P4HA1: variants seen among roughly 807,000 people sequenced by gnomAD.
The protein encoded by P4HA1 is prolyl 4-hydroxylase subunit alpha 1.
A neutral mutation model predicts 72.8 loss-of-function variants in P4HA1; 24 were observed. That is an observed-to-expected ratio of 0.33 (90% CI 0.24 to 0.46). P4HA1 has a LOEUF of 0.46. P4HA1 is among the 20% of genes least tolerant of loss of function. P4HA1 has a pLI of 1.00. For synonymous variants in P4HA1, 201 were observed against 218.8 expected, an observed-to-expected ratio of 0.92 and a Z score of 0.72; for missense variants, 446 against 640.6, an observed-to-expected ratio of 0.70 and a Z score of 3.28.
At chr10:73,094,871 T>A (rs1314345717) in intron 1 of P4HA1, among the ~76,000 whole-genome samples, 1 of 152,222 alleles carries the variant, frequency 6.6e-6, no homozygotes, top group Non-Finnish European at 1.5e-5. Flanking sequence ...GTACACATTT[T>A]TCAACTGTTT....
intron 10 of P4HA1, among the ~76,000 whole-genome samples, chr10:73,029,567 T>G (rs1840383768): frequency 6.6e-6 from 1 of 150,574 alleles, no homozygotes; most frequent in African/African-American, 2.4e-5. Context: ...AGGAAAAGAC[T>G]AAGGAATAGT....
At chr10:73,037,308 TAAA>T (rs202154662) in intron 9 of P4HA1, among the ~76,000 whole-genome samples, 2 of 120,112 alleles carry the variant, frequency 1.7e-5, no homozygotes, top group Non-Finnish European at 3.5e-5. Context: ...TTTCCGCTGT[TAAA>T]AAAAAAAAAA....
chr10:73,095,828 T>C (rs375824591), intron 1 of P4HA1, among the ~76,000 whole-genome samples: 13 of 152,216 alleles, frequency 8.5e-5, no homozygotes, highest in African/African-American at 2.7e-4. Context: ...TGTCTAAACA[T>C]TGAATTTGTA....
chr10:73,092,052 T>C (rs1195395804), intron 1 of P4HA1, among the ~76,000 whole-genome samples: 3 of 152,196 alleles, frequency 2.0e-5, no homozygotes, highest in Non-Finnish European at 4.4e-5. Flanking sequence ...CTTTCTAGTC[T>C]TCAATTATCT....
At chr10:73,096,503 C>T (rs1269582683) in intron 1 of P4HA1, among the ~76,000 whole-genome samples, 1 of 151,872 alleles carries the variant, frequency 6.6e-6, no homozygotes, top group Non-Finnish European at 1.5e-5. Flanking sequence ...GGGACTGAGG[C>T]TGCAGCAGCC....
At chr10:73,026,585 CA>C (rs763565374) in intron 10 of P4HA1, among the ~76,000 whole-genome samples, 18 of 152,174 alleles carry the variant, frequency 1.2e-4, no homozygotes, top group Non-Finnish European at 1.6e-4. Context: ...GCAATGGCTA[CA>C]AAAGCCAAAA....
intron 1 of P4HA1, among the ~76,000 whole-genome samples, chr10:73,093,907 T>TATATATATATATAC (rs1256283876): frequency 1.6e-4 from 9 of 55,600 alleles, no homozygotes; most frequent in African/African-American, 3.8e-4. Flanking sequence ...TATATATATA[T>TATATATATATATAC]ACACACACAC....
At chr10:73,049,337 C>G (rs987120756) in intron 7 of P4HA1, among the ~76,000 whole-genome samples, 1 of 152,166 alleles carries the variant, frequency 6.6e-6, no homozygotes, top group Non-Finnish European at 1.5e-5. Flanking sequence ...ATGTTAAACA[C>G]TTTTCAAATG....
At chr10:73,026,795 A>G (rs1460946902) in intron 10 of P4HA1, among the ~76,000 whole-genome samples, 1 of 152,266 alleles carries the variant, frequency 6.6e-6, no homozygotes. Context: ...AAGGATATGA[A>G]CAGACACTTC....
chr10:73,028,333 C>CAA (rs1209558478), intron 10 of P4HA1, among the ~76,000 whole-genome samples: 1 of 150,468 alleles, frequency 6.6e-6, no homozygotes, highest in Non-Finnish European at 1.5e-5. Context: ...CACACACACA[C>CAA]ACACACACAC....
intron 5 of P4HA1, among the ~76,000 whole-genome samples, chr10:73,055,900 T>C (rs1841136091): frequency 6.6e-6 from 1 of 152,226 alleles, no homozygotes; most frequent in Non-Finnish European, 1.5e-5. Flanking sequence ...AGAGGTTAAC[T>C]AATATGTCCA....
chr10:73,039,598 T>C (rs1212736885), intron 9 of P4HA1, among the ~76,000 whole-genome samples: 1 of 152,166 alleles, frequency 6.6e-6, no homozygotes. Context: ...TGAGCCACCA[T>C]GCCCCGCCTG....
chr10:73,046,879 A>G, intron 8 of P4HA1, 46 bp downstream of exon 8: 2 of 1,324,940 alleles, frequency 1.5e-6, no homozygotes, highest in Non-Finnish European at 2.1e-6. Context: ...AAAAATTGAT[A>G]CAAAGGTACA....
In P4HA1 at chr10:73,074,843, TG is replaced by T; in HGVS notation, c.40del (p.Gln14SerfsTer15). Reference protein sequence around the residue: ...YILIIGILLPQSLAHPGFFTS... With the variant: ...YILIIGILLPXSLAHPGFFTS... ...AAAAAAGCCTGGATGAGCCAAAGAC[TG>T]GGGAAGCAGAATTCCTATAATTAAT... On this transcript the variant is annotated frameshift_variant, in exon 2 of 15. Coordinates refer to ENST00000394890, the MANE Select transcript of P4HA1 (RefSeq NM_001017962.3). LOFTEE classifies it high-confidence loss of function. The T allele has an allele frequency of 1.3e-6, 2 of 1,576,298 alleles. No homozygotes were observed. Among genetic ancestry groups the T allele is most frequent in the Non-Finnish European group, 8.7e-7 (1 of 1,146,288 alleles).
At chr10:73,086,847 T>C (rs984774200) in intron 1 of P4HA1, among the ~76,000 whole-genome samples, 4 of 149,578 alleles carry the variant, frequency 2.7e-5, no homozygotes, top group Non-Finnish European at 4.4e-5. Flanking sequence ...GGCAGGAGAA[T>C]TGCTTGAACC....
In P4HA1 at chr10:73,026,943, A is replaced by G. The variant is rs187006978; in HGVS notation, c.1248+3328T>C. Among the ~76,000 whole-genome samples, 408 of 152,298 alleles carry G rather than the reference A, an allele frequency of 2.7e-3. 3 individuals carry two copies. Among genetic ancestry groups the G allele is most frequent in the Admixed American group, 4.0e-3 (61 of 15,286 alleles). ...GAATGGCAATCATTAAAAAGTGAGG[A>G]AACAACAGATGCTGGAGAGGATGTG... On this transcript the variant is annotated intron_variant, in intron 10 of 14. Transcript: ENST00000394890.
intron 6 of P4HA1, 53 bp from the exon 7 acceptor site, chr10:73,051,302 C>T (rs1841014202): frequency 1.1e-6 from 1 of 948,482 alleles, no homozygotes; most frequent in South Asian, 1.5e-5. Context: ...CTTGTTCAAG[C>T]ATCAGAATAT....
At chr10:73,059,783 T>TA (rs137865415) in intron 5 of P4HA1, among the ~76,000 whole-genome samples, 7 of 148,530 alleles carry the variant, frequency 4.7e-5, no homozygotes, top group South Asian at 2.1e-4. Flanking sequence ...AAATAAAAAA[T>TA]AAAAAAAAAT....
At position 73,073,764 on chromosome 10, in the gene P4HA1, T is replaced by C; in HGVS notation, c.140A>G (p.Lys47Arg). 1 of 1,579,690 alleles carries C rather than the reference T, an allele frequency of 6.3e-7. No individual in the cohort carries two copies. Among genetic ancestry groups the C allele is most frequent in the South Asian group, 1.1e-5 (1 of 90,432 alleles). ...DLVTSLKDYI[K>R]AEEDKLEQIK... The stretch of plus-strand genomic sequence containing the variant: ...TTGTTCTAACTTGTCCTCTTCTGCC[T>C]TAATATAATCTTTCAGAGAAGTCAC... Residue 47 changes from lysine to arginine, a missense_variant, in exon 3 of 15, where the codon AAG becomes AGG. Physicochemically the swap from Lys to Arg is conservative, Grantham distance 26. Coordinates refer to ENST00000394890, the MANE Select transcript of P4HA1 (RefSeq NM_001017962.3).
Sources: allele counts gnomAD v4.1 joint callset (sites outside exome capture counted in the v4.1 genomes callset), GRCh38; gene constraint gnomAD v4.1.1; transcripts MANE v1.5; gene names NCBI Gene and HGNC (gene_info 2026-07-23, HGNC 2026-07-21).